ERBB4: variants seen among roughly 807,000 people sequenced by gnomAD.
ERBB4 encodes receptor tyrosine-protein kinase erbB-4.
Under a neutral mutation model 158.0 loss-of-function variants are expected in ERBB4, and 42 were observed. The ratio of observed to expected loss-of-function variants is 0.27; its 90% CI spans 0.21 to 0.34. The LOEUF (loss-of-function observed/expected upper bound fraction) is 0.34, where lower values mean the gene tolerates loss of function less well. ERBB4 is among the 10% of genes least tolerant of loss of function. The pLI is 1.00. For synonymous variants in ERBB4, 583 were observed against 558.7 expected (o/e 1.04, Z -0.61); for missense variants, 1,333 against 1,624.1 (o/e 0.82, Z 3.08).
rs201261609 is a variant in ERBB4 at position 211,743,614 on chromosome 2, T to C, written c.622+7025A>G. 2.6e-4 allele frequency among the ~76,000 whole-genome samples: 40 copies of C among 152,330 alleles called. No individual in the cohort carries two copies. In the East Asian group the frequency reaches 7.3e-3, roughly 28 times the overall value. ...TCATACCTAAAACCTGTAGAGCTCA[T>C]AGGTTACGACTCAGTTCTTATGAAT... On this transcript the variant is annotated intron_variant, in intron 5 of 27. Transcript: ENST00000342788.
chr2:212,266,241 AT>A (rs1298766792), intron 1 of ERBB4, among the ~76,000 whole-genome samples: 1 of 151,812 alleles, frequency 6.6e-6, no homozygotes, highest in Non-Finnish European at 1.5e-5. Flanking sequence ...ATATTAAATA[AT>A]TTTTTTCTCA....
At chr2:211,761,090 G>A (rs746437461) in intron 4 of ERBB4, among the ~76,000 whole-genome samples, 3 of 150,854 alleles carry the variant, frequency 2.0e-5, no homozygotes, top group East Asian at 2.0e-4. Context: ...AGCTACTCAG[G>A]AGGCTGAGGC....
intron 6 of ERBB4, among the ~76,000 whole-genome samples, chr2:211,724,299 A>G (rs903226301): frequency 6.6e-6 from 1 of 151,942 alleles, no homozygotes; most frequent in African/African-American, 2.4e-5. Context: ...TGTCTATATC[A>G]TAAGAGCTTT....
chr2:211,441,756 C>T (rs1385048058), intron 20 of ERBB4, among the ~76,000 whole-genome samples: 4 of 152,052 alleles, frequency 2.6e-5, no homozygotes, highest in African/African-American at 7.2e-5. Flanking sequence ...TCCACACAGC[C>T]CTAGGGAGGA....
At chr2:211,519,156 G>A (rs1314074934) in intron 20 of ERBB4, among the ~76,000 whole-genome samples, 1 of 152,070 alleles carries the variant, frequency 6.6e-6, no homozygotes, top group Non-Finnish European at 1.5e-5. Context: ...CATCTTGGTG[G>A]TAAATGATGA....
chr2:212,123,263 C>T (rs370001521), intron 2 of ERBB4, among the ~76,000 whole-genome samples: 1 of 152,138 alleles, frequency 6.6e-6, no homozygotes, highest in Non-Finnish European at 1.5e-5. Context: ...ATTAGCCGGG[C>T]GTGGCGGCAT....
At chr2:211,772,914 CA>C (rs2075745474) in intron 4 of ERBB4, among the ~76,000 whole-genome samples, 2 of 33,914 alleles carry the variant, frequency 5.9e-5, no homozygotes, top group Non-Finnish European at 1.2e-4. Context: ...TATATACACA[CA>C]CACACACACA....
At chr2:212,212,143 C>CT (rs2082957319) in intron 1 of ERBB4, among the ~76,000 whole-genome samples, 1 of 152,224 alleles carries the variant, frequency 6.6e-6, no homozygotes, top group Middle Eastern at 3.4e-3. Context: ...ACCATACTGT[C>CT]TTCCTCAATG....
chr2:212,218,756 T>C (rs2083188079), intron 1 of ERBB4, among the ~76,000 whole-genome samples: 1 of 151,414 alleles, frequency 6.6e-6, no homozygotes, highest in African/African-American at 2.4e-5. Flanking sequence ...ATCAATATCA[T>C]GGGATTTATC....
intron 2 of ERBB4, among the ~76,000 whole-genome samples, chr2:212,003,239 AGG>A (rs752670077): frequency 0.029 from 4,129 of 144,404 alleles, 327 homozygotes; most frequent in African/African-American, 0.033. Context: ...GAAGGAAGGA[AGG>A]AAGGAAGGAA....
At chr2:211,772,820 TATATATATATATATACAC>T (rs1306481967) in intron 4 of ERBB4, among the ~76,000 whole-genome samples, 3,364 of 18,872 alleles carry the variant, frequency 0.18, 356 homozygotes, top group African/African-American at 0.24. Context: ...TATATATATA[TATATATATATATATACAC>T]ATATATATAT....
intron 3 of ERBB4, among the ~76,000 whole-genome samples, chr2:211,927,944 A>G (rs182668077): frequency 2.0e-5 from 3 of 152,302 alleles, no homozygotes; most frequent in East Asian, 1.9e-4. Flanking sequence ...TCTTTATAAT[A>G]CATACAGGGG....
At chr2:212,285,213 CAT>C (rs2085916268) in intron 1 of ERBB4, among the ~76,000 whole-genome samples, 1 of 152,108 alleles carries the variant, frequency 6.6e-6, no homozygotes, top group African/African-American at 2.4e-5. Context: ...ACTATGGTCA[CAT>C]AATCACGTGG....
chr2:211,990,743 G>GC (rs1418425577), intron 2 of ERBB4, among the ~76,000 whole-genome samples: 2 of 151,858 alleles, frequency 1.3e-5, no homozygotes, highest in East Asian at 3.9e-4. Context: ...TCCTCGACCA[G>GC]CATCTCTTGA....
At chr2:212,095,179 A>T (rs2078893148) in intron 2 of ERBB4, among the ~76,000 whole-genome samples, 1 of 152,124 alleles carries the variant, frequency 6.6e-6, no homozygotes, top group African/African-American at 2.4e-5. Context: ...AATTTGAGAT[A>T]TTTTTTAAGG....
chr2:212,249,367 ACT>A (rs1410276405), intron 1 of ERBB4, among the ~76,000 whole-genome samples: 1 of 151,340 alleles, frequency 6.6e-6, no homozygotes, highest in Admixed American at 6.6e-5. Context: ...ATGTAGGAAG[ACT>A]CTAGATAATT....
intron 1 of ERBB4, among the ~76,000 whole-genome samples, chr2:212,229,410 A>G (rs1208968882): frequency 1.3e-5 from 2 of 152,318 alleles, no homozygotes; most frequent in South Asian, 2.1e-4. Flanking sequence ...AGAAGGAAAC[A>G]TATATGCAAA....
rs62184042 is a variant in ERBB4, at chr2:212,133,409, T to G, written c.83-8506A>C. 4.3e-4 allele frequency among the ~76,000 whole-genome samples: 60 copies of G among 140,870 alleles called. 1 individual carries two copies. The highest frequency in any genetic ancestry group is 1.7e-3 in the African/African-American group (58 of 34,246). The allele number at this position is 140,870 out of a possible 152,430, so 92.4% of individuals were successfully genotyped here. On this transcript the variant is annotated intron_variant, in intron 1 of 27. Transcript: ENST00000342788. ...TTTCATTTTGGTGTTTTTTTTTTGT[T>G]TTGTTTTGTTTTTGTTTTTTTTTTT...
At chr2:212,261,223 T>C (rs903809256) in intron 1 of ERBB4, among the ~76,000 whole-genome samples, 4 of 152,182 alleles carry the variant, frequency 2.6e-5, no homozygotes, top group Non-Finnish European at 5.9e-5. Flanking sequence ...TTTGATTATA[T>C]ACAAGGTTAC....
Sources: allele counts gnomAD v4.1 joint callset (sites outside exome capture counted in the v4.1 genomes callset), GRCh38; gene constraint gnomAD v4.1.1; transcripts MANE v1.5; gene names NCBI Gene and HGNC (gene_info 2026-07-23, HGNC 2026-07-21).